TMEM108: variants seen among roughly 807,000 people sequenced by gnomAD.
TMEM108 encodes the protein cancer/testis antigen 124.
In TMEM108, 12 loss-of-function variants were observed where a neutral mutation model predicts 35.1. The ratio of observed to expected loss-of-function variants is 0.34; its 90% CI spans 0.22 to 0.55. The LOEUF (loss-of-function observed/expected upper bound fraction) is 0.55. TMEM108 is among the 20% of genes least tolerant of loss of function. TMEM108 has a pLI of 0.89. For synonymous variants in TMEM108, 287 were observed against 308.6 expected (o/e 0.93, Z 0.73); for missense variants, 680 against 753.3 (o/e 0.90, Z 1.14).
At chr3:133,240,641 G>A (rs1946299854) in intron 3 of TMEM108, among the ~76,000 whole-genome samples, 1 of 152,130 alleles carries the variant, frequency 6.6e-6, no homozygotes, top group African/African-American at 2.4e-5. Flanking sequence ...AATATATGGT[G>A]GGAGAAAGCA....
At chr3:133,115,751 T>G (rs1293585885) in intron 2 of TMEM108, among the ~76,000 whole-genome samples, 1 of 152,248 alleles carries the variant, frequency 6.6e-6, no homozygotes, top group Non-Finnish European at 1.5e-5. Context: ...GGAAGTGGTG[T>G]TTAATGAATA....
intron 2 of TMEM108, among the ~76,000 whole-genome samples, chr3:133,175,926 C>T (rs1396584277): frequency 1.0e-4 from 15 of 143,182 alleles, no homozygotes; most frequent in South Asian, 2.3e-4. Flanking sequence ...TCAGGAAACC[C>T]ATCTCATGTG....
chr3:133,114,397 A>T (rs1944263020), intron 2 of TMEM108, among the ~76,000 whole-genome samples: 1 of 152,228 alleles, frequency 6.6e-6, no homozygotes. Context: ...TGCAGAAGCA[A>T]CAGTGACTAG....
At chr3:133,371,806 C>T (rs1424484021) in intron 3 of TMEM108, among the ~76,000 whole-genome samples, 1 of 152,102 alleles carries the variant, frequency 6.6e-6, no homozygotes, top group East Asian at 1.9e-4. Context: ...TCTTATTCTT[C>T]AGCGAATATG....
chr3:133,338,807 C>G (rs931544858), intron 3 of TMEM108, among the ~76,000 whole-genome samples: 2 of 151,796 alleles, frequency 1.3e-5, no homozygotes, highest in African/African-American at 4.8e-5. Flanking sequence ...AGCTTAAAAT[C>G]AGGAGGATGA....
intron 3 of TMEM108, among the ~76,000 whole-genome samples, chr3:133,324,285 C>G (rs2071303108): frequency 6.6e-6 from 1 of 152,138 alleles, no homozygotes; most frequent in Non-Finnish European, 1.5e-5. Flanking sequence ...TGACAAAGGA[C>G]TACTATCCAG....
At chr3:133,186,793 A>T (rs954186022) in intron 2 of TMEM108, among the ~76,000 whole-genome samples, 61 of 152,334 alleles carry the variant, frequency 4.0e-4, no homozygotes, top group African/African-American at 1.5e-3. Context: ...ATGATATTTT[A>T]AATATCATAT....
intron 2 of TMEM108, among the ~76,000 whole-genome samples, chr3:133,203,667 C>A (rs1481936247): frequency 1.3e-5 from 2 of 152,084 alleles, no homozygotes; most frequent in Admixed American, 6.6e-5. Flanking sequence ...GGTGGATAAG[C>A]TATTTGATAT....
chr3:133,075,544 A>C (rs958886350), intron 2 of TMEM108, among the ~76,000 whole-genome samples: 1 of 152,190 alleles, frequency 6.6e-6, no homozygotes, highest in Non-Finnish European at 1.5e-5. Context: ...ACCCTCAAGA[A>C]GTCCAGACCA....
intron 2 of TMEM108, among the ~76,000 whole-genome samples, chr3:133,184,923 T>C (rs1427560313): frequency 6.6e-6 from 1 of 152,262 alleles, no homozygotes; most frequent in Non-Finnish European, 1.5e-5. Flanking sequence ...ATCTTTTTAA[T>C]TGTATTTAGT....
intron 2 of TMEM108, among the ~76,000 whole-genome samples, chr3:133,090,140 G>T (rs922892668): frequency 6.6e-6 from 1 of 152,136 alleles, no homozygotes; most frequent in Non-Finnish European, 1.5e-5. Context: ...AGTACAAAAT[G>T]AATCATTACC....
chr3:133,128,384 A>C (rs1433423659), intron 2 of TMEM108, among the ~76,000 whole-genome samples: 6 of 152,194 alleles, frequency 3.9e-5, no homozygotes, highest in Admixed American at 3.9e-4. Flanking sequence ...TTAGGAAATA[A>C]ATATTTGACC....
chr3:133,241,083 A>C (rs1946306654), intron 3 of TMEM108, among the ~76,000 whole-genome samples: 1 of 152,240 alleles, frequency 6.6e-6, no homozygotes, highest in African/African-American at 2.4e-5. Context: ...AATCTGGTAT[A>C]ATTCTGGGAG....
intron 4 of TMEM108, chr3:133,389,277 C>T: frequency 1.0e-6 from 1 of 985,492 alleles, no homozygotes; most frequent in Non-Finnish European, 1.2e-6. Context: ...CAGGGATGAA[C>T]AGACAGGGTC....
chr3:133,314,528 C>T (rs1226102191), intron 3 of TMEM108, among the ~76,000 whole-genome samples: 2 of 152,202 alleles, frequency 1.3e-5, no homozygotes, highest in Admixed American at 6.5e-5. Context: ...AGCTGGTCCT[C>T]ATTAAGAACC....
At chr3:133,307,817 C>A (rs11927838) in intron 3 of TMEM108, among the ~76,000 whole-genome samples, 2,783 of 152,098 alleles carry the variant, frequency 0.018, 112 homozygotes, top group African/African-American at 0.063. Context: ...CAGCTTTGTT[C>A]TTTTTGCTTA....
At chr3:133,379,151 G>C (rs563669249) in intron 3 of TMEM108, among the ~76,000 whole-genome samples, 13 of 152,322 alleles carry the variant, frequency 8.5e-5, no homozygotes, top group African/African-American at 2.9e-4. Context: ...TGTCCTCCAG[G>C]GTCAGGGAGA....
Position 133,380,844 on chromosome 3 carries a change from G to A in TMEM108, c.1133G>A (p.Gly378Glu). The A allele has an allele frequency of 6.2e-7, 1 of 1,614,110 alleles. No individual in the cohort carries two copies. The highest frequency in any genetic ancestry group is 8.5e-7 in the Non-Finnish European group (1 of 1,180,020). ...GCCCCTTCCCAGGGGATTCCTCAGG[G>A]AGCATCCACAACCCCACAAGCTCCA... Reference protein sequence around the residue: ...VSAPSQGIPQGASTTPQAPTH... With the variant: ...VSAPSQGIPQEASTTPQAPTH... Residue 378 changes from glycine (G) to glutamate (E), a missense_variant, in exon 4 of 6, where the codon GGA (glycine) becomes GAA (glutamate). Physicochemically the swap from Gly to Glu is moderately conservative, Grantham distance 98 (BLOSUM62 -2). Coordinates refer to ENST00000321871, the MANE Select transcript of TMEM108 (RefSeq NM_023943.4). The surrounding 1 kb of genome is among the most constrained non-coding windows in gnomAD (Gnocchi z 5.3).
At chr3:133,302,233 T>G (rs1947235772) in intron 3 of TMEM108, among the ~76,000 whole-genome samples, 1 of 152,158 alleles carries the variant, frequency 6.6e-6, no homozygotes, top group African/African-American at 2.4e-5. Context: ...AAACCCAAAC[T>G]GTGACACATC....
Sources: gnomAD v4.1 joint callset for allele counts (sites outside exome capture counted in the v4.1 genomes callset) on GRCh38, gnomAD v4.1.1 for gene constraint, Gnocchi (gnomAD v3.1) non-coding constraint, MANE v1.5 for transcripts, NCBI Gene and HGNC (gene_info 2026-07-23, HGNC 2026-07-21) for gene names.